AKAP13: variants seen among roughly 807,000 people sequenced by gnomAD.
AKAP13 encodes the protein A-kinase anchoring protein 13, also known as A-kinase anchor protein 13.
A neutral mutation model predicts 264.5 loss-of-function variants in AKAP13; 80 were observed. The observed-to-expected ratio is 0.30, with a 90% CI of 0.25 to 0.36. AKAP13 has a LOEUF of 0.36. AKAP13 is among the 10% of genes least tolerant of loss of function. The probability of loss-of-function intolerance (pLI) is 1.00; values close to 1 mark genes in which losing one functional copy is unlikely to be tolerated. For synonymous variants in AKAP13, 1,380 were observed against 1,250.2 expected, an observed-to-expected ratio of 1.10 and a Z score of -2.19; for missense variants, 3,712 against 3,435.2, an observed-to-expected ratio of 1.08 and a Z score of -2.01.
At chr15:85,389,041 G>C (rs2070728065) in intron 1 of AKAP13, among the ~76,000 whole-genome samples, 1 of 152,160 alleles carries the variant, frequency 6.6e-6, no homozygotes, top group Non-Finnish European at 1.5e-5. Context: ...ACTCTATTCT[G>C]GCAGTTGAGA....
At chr15:85,716,793 T>C (rs1048134447) in intron 20 of AKAP13, among the ~76,000 whole-genome samples, 2 of 152,236 alleles carry the variant, frequency 1.3e-5, no homozygotes, top group African/African-American at 2.4e-5. Context: ...GTATGCATTG[T>C]AACTTTCAAA....
chr15:85,599,742 A>G (rs1046488454), intron 8 of AKAP13, among the ~76,000 whole-genome samples: 1 of 152,156 alleles, frequency 6.6e-6, no homozygotes, highest in Non-Finnish European at 1.5e-5. Context: ...CCTTTTATGA[A>G]TATTATCTCT....
In AKAP13 at chr15:85,579,364, G is replaced by A. The variant is rs779881348; in HGVS notation, c.1296G>A (p.Met432Ile). 3 of 1,614,174 alleles carry A rather than the reference G, an allele frequency of 1.9e-6. No individual in the cohort carries two copies. The highest frequency in any genetic ancestry group is 2.2e-5 in the East Asian group (1 of 44,878). ...AAACTGGAACAAAATCTTCTGGAAT[G>A]CCCACAGACCAGGAGTCCCTGAGCA... is the stretch of plus-strand genomic sequence containing the variant. ...NEETGTKSSG[M>I]PTDQESLSSG... The change falls in exon 7 of 37, where the codon ATG becomes ATA. Residue 432 changes from methionine to isoleucine, a missense_variant. Coordinates refer to ENST00000394518, the MANE Select transcript of AKAP13 (RefSeq NM_007200.5).
At chr15:85,421,331 C>A (rs1320083665) in intron 1 of AKAP13, among the ~76,000 whole-genome samples, 15 of 152,222 alleles carry the variant, frequency 9.9e-5, no homozygotes, top group Admixed American at 9.8e-4. Context: ...TGGAGTGGGT[C>A]TCTTACTCCC....
At chr15:85,482,584 T>A (rs1018706780) in intron 1 of AKAP13, among the ~76,000 whole-genome samples, 2 of 152,134 alleles carry the variant, frequency 1.3e-5, no homozygotes, top group Non-Finnish European at 2.9e-5. Context: ...TAGCAGGAGA[T>A]CCTCTTACGA....
At chr15:85,686,108 A>G (rs1201883213) in intron 16 of AKAP13, among the ~76,000 whole-genome samples, 2 of 151,816 alleles carry the variant, frequency 1.3e-5, no homozygotes, top group African/African-American at 4.8e-5. Flanking sequence ...AGTAAATAAA[A>G]ATTTGAAATC....
In AKAP13 at chr15:85,727,290, G is replaced by A. The variant is rs2087673553; in HGVS notation, c.7004+43G>A. The stretch of plus-strand genomic sequence containing the variant: ...CCCCACCCTTCCCAGCCCTCCTGAT[G>A]TCTCTGTGTGATTTCATAACAGGCT... On this transcript the variant is annotated intron_variant, in intron 28 of 36. Transcript: ENST00000394518. This position sits in a 1 kb window ranked among gnomAD's most constrained non-coding sequence, Gnocchi z 5.3. The A allele has an allele frequency of 3.1e-6, 5 of 1,610,556 alleles. No homozygotes were observed. The highest frequency in any genetic ancestry group is 4.2e-6 in the Non-Finnish European group (5 of 1,177,240).
At chr15:85,731,986 G>A (rs2088075083) in intron 30 of AKAP13, among the ~76,000 whole-genome samples, 1 of 151,834 alleles carries the variant, frequency 6.6e-6, no homozygotes, top group African/African-American at 2.4e-5. Context: ...AGGAGGCTGA[G>A]GCAGGAGAAT....
chr15:85,398,562 T>G (rs375745963), intron 1 of AKAP13, among the ~76,000 whole-genome samples: 1 of 152,126 alleles, frequency 6.6e-6, no homozygotes, highest in East Asian at 1.9e-4. Context: ...TGATTTCTTT[T>G]TTGTTGTTGT....
At chr15:85,723,379 GT>G in intron 26 of AKAP13, 59 bp downstream of exon 26, 1 of 1,580,234 alleles carries the variant, frequency 6.3e-7, no homozygotes, top group Admixed American at 1.8e-5. Context: ...AAAAATCCAA[GT>G]GCTTTTGTTG....
chr15:85,512,068 T>G (rs1474421332), intron 2 of AKAP13, among the ~76,000 whole-genome samples: 1 of 152,020 alleles, frequency 6.6e-6, no homozygotes, highest in African/African-American at 2.4e-5. Context: ...CTTCGTCGCC[T>G]ACACAGGTTC....
chr15:85,447,318 C>G (rs1040574071), intron 1 of AKAP13, among the ~76,000 whole-genome samples: 1 of 151,938 alleles, frequency 6.6e-6, no homozygotes, highest in Non-Finnish European at 1.5e-5. Context: ...AATAAGAGTT[C>G]TTCAGCAAAA....
chr15:85,652,714 T>G (rs556104407), intron 10 of AKAP13, among the ~76,000 whole-genome samples: 1 of 152,314 alleles, frequency 6.6e-6, no homozygotes, highest in South Asian at 2.1e-4. Context: ...GCTTTCCTTC[T>G]GTAGGCTCTG....
At chr15:85,483,541 G>T (rs1249317621) in intron 1 of AKAP13, among the ~76,000 whole-genome samples, 1 of 148,088 alleles carries the variant, frequency 6.8e-6, no homozygotes, top group Admixed American at 6.7e-5. Context: ...CAGGATAATG[G>T]CGTGAACCCG....
chr15:85,585,730 A>G lies in AKAP13; in HGVS notation c.4068A>G (p.Glu1356=). ...AEMPDVKAED[E]VDFRASSISE... ...TGCCAGACGTGAAAGCTGAAGATGA[A>G]GTGGATTTTAGAGCAAGTTCAATTT... Residue 1356 remains glutamate, a synonymous_variant, in exon 8 of 37, where the codon GAA becomes GAG. Coordinates refer to ENST00000394518, the MANE Select transcript of AKAP13 (RefSeq NM_007200.5). The G allele has an allele frequency of 6.2e-7, 1 of 1,614,172 alleles. No homozygotes were observed. Among genetic ancestry groups the G allele is most frequent in the Non-Finnish European group, 8.5e-7 (1 of 1,179,998 alleles).
intron 1 of AKAP13, among the ~76,000 whole-genome samples, chr15:85,475,674 G>A (rs1392448503): frequency 3.9e-5 from 6 of 152,198 alleles, no homozygotes; most frequent in African/African-American, 1.4e-4. Context: ...AGGCTGGATT[G>A]CTTAACACTT....
At chr15:85,575,102 A>C (rs1218863588) in intron 5 of AKAP13, 29 bp from the exon 6 acceptor site, 2 of 1,605,302 alleles carry the variant, frequency 1.2e-6, no homozygotes, top group East Asian at 4.5e-5. Flanking sequence ...CAGAATGTAT[A>C]TATATTAACC....
chr15:85,574,070 G>A (rs556407438), intron 5 of AKAP13, among the ~76,000 whole-genome samples: 1 of 152,314 alleles, frequency 6.6e-6, no homozygotes, highest in East Asian at 1.9e-4. Flanking sequence ...TTTGTACCCA[G>A]AAATCTCTAA....
chr15:85,726,379 T>C (rs755590837), intron 26 of AKAP13, 31 bp from the exon 27 acceptor site: 6 of 1,587,624 alleles, frequency 3.8e-6, no homozygotes, highest in Non-Finnish European at 5.2e-6. Context: ...GTCATCGTTT[T>C]ATCTTCCCTT....
Sources: gnomAD v4.1 joint callset for allele counts (sites outside exome capture counted in the v4.1 genomes callset) on GRCh38, gnomAD v4.1.1 for gene constraint, Gnocchi (gnomAD v3.1) non-coding constraint, MANE v1.5 for transcripts, NCBI Gene and HGNC (gene_info 2026-07-23, HGNC 2026-07-21) for gene names.